CIT: variants seen among roughly 807,000 people sequenced by gnomAD.
CIT encodes citron Rho-interacting kinase.
Under a neutral mutation model 272.7 loss-of-function variants are expected in CIT, and 79 were observed. That is an observed-to-expected ratio of 0.29 (90% CI 0.24 to 0.35). CIT has a LOEUF of 0.35. CIT is among the 10% of genes least tolerant of loss of function. CIT has a pLI of 1.00. For missense variants in CIT, 1,909 were observed against 2,618.3 expected, an observed-to-expected ratio of 0.73 and a Z score of 5.91; for synonymous variants, 948 against 995.6, an observed-to-expected ratio of 0.95 and a Z score of 0.90.
chr12:119,840,870 G>A (rs1312860759), intron 5 of CIT, among the ~76,000 whole-genome samples: 1 of 152,170 alleles, frequency 6.6e-6, no homozygotes, highest in Non-Finnish European at 1.5e-5. Flanking sequence ...AGTAAACAAT[G>A]AAGTTGTGTT....
At chr12:119,834,249 A>C (rs1222658703) in intron 5 of CIT, 21 bp from the exon 6 acceptor site, 1 of 1,568,718 alleles carries the variant, frequency 6.4e-7, no homozygotes, top group South Asian at 1.2e-5. Context: ...TGCCAAAGTT[A>C]TTAATTCTTC....
In CIT at chr12:119,864,116, T is replaced by G. The variant is rs116630823; in HGVS notation, c.238+4944A>C. Reference sequence around the variant, plus strand: ...TATTTAACATTGTATTGTGTATTGTTTGCAATAAGAAAAAAAAAAAACTTT... The same window carrying G: ...TATTTAACATTGTATTGTGTATTGTGTGCAATAAGAAAAAAAAAAAACTTT... On this transcript the variant is annotated intron_variant, in intron 3 of 47. Transcript: ENST00000392521. 9.8e-3 allele frequency among the ~76,000 whole-genome samples: 1,484 copies of G among 152,198 alleles called. 21 individuals carry two copies. The highest frequency in any genetic ancestry group is 0.033 in the African/African-American group (1,391 of 41,528).
intron 3 of CIT, among the ~76,000 whole-genome samples, chr12:119,866,787 C>G (rs924421551): frequency 2.0e-5 from 3 of 152,022 alleles, no homozygotes; most frequent in Non-Finnish European, 2.9e-5. Flanking sequence ...CTGCTGCACT[C>G]CAGCCAGAGT....
chr12:119,730,359 G>A (rs994678628), intron 27 of CIT, 136 bp downstream of exon 27: 9 of 1,056,950 alleles, frequency 8.5e-6, no homozygotes, highest in Non-Finnish European at 1.2e-5. Flanking sequence ...CAAAACCATG[G>A]GACATTTTTG....
At position 119,842,589 on chromosome 12, in the gene CIT, T is replaced by C. The variant is rs183771558; in HGVS notation, c.516+7585A>G. Among the ~76,000 whole-genome samples, 323 of 152,144 alleles carry C rather than the reference T, an allele frequency of 2.1e-3. 2 individuals carry two copies. The highest frequency in any genetic ancestry group is 7.3e-3 in the African/African-American group (305 of 41,530). On this transcript the variant is annotated intron_variant, in intron 5 of 47. Transcript: ENST00000392521. Reference sequence around the variant, plus strand: ...AGAATACAGGACTAGCTTTGTTATATAGAACCAGACATTATGACAGAGTTT... The same window carrying C: ...AGAATACAGGACTAGCTTTGTTATACAGAACCAGACATTATGACAGAGTTT...
In CIT at chr12:119,784,878, A is replaced by G; in HGVS notation, c.1401+82T>C. Reference sequence around the variant, plus strand: ...ACGGATCAGGCGGCTCAGAGCCAGCAGCGGCCCCGGGCGGATCCCTTGGCA... The same window carrying G: ...ACGGATCAGGCGGCTCAGAGCCAGCGGCGGCCCCGGGCGGATCCCTTGGCA... On this transcript the variant is annotated intron_variant, in intron 11 of 47. Transcript: ENST00000392521. This position sits in a 1 kb window ranked among gnomAD's most constrained non-coding sequence, Gnocchi z 4.7. The G allele has an allele frequency of 6.5e-7, 1 of 1,543,466 alleles. No individual in the cohort carries two copies.
At chr12:119,701,398 A>G (rs1347089691) in intron 43 of CIT, among the ~76,000 whole-genome samples, 2 of 152,180 alleles carry the variant, frequency 1.3e-5, no homozygotes, top group Non-Finnish European at 2.9e-5. Flanking sequence ...TGGATGAGGA[A>G]AAAACTGCCT....
intron 16 of CIT, among the ~76,000 whole-genome samples, chr12:119,774,760 T>A (rs1022423779): frequency 1.4e-5 from 2 of 147,744 alleles, no homozygotes; most frequent in Admixed American, 1.3e-4. Context: ...TTCACTTGAG[T>A]CCAGGTGTTT....
chr12:119,834,406 T>A (rs1593903031), intron 5 of CIT, among the ~76,000 whole-genome samples, 178 bp from the exon 6 acceptor site: 1 of 152,306 alleles, frequency 6.6e-6, no homozygotes, highest in East Asian at 1.9e-4. Flanking sequence ...GGAAATTACA[T>A]CTGTTACCCA....
Position 119,832,868 on chromosome 12 carries a change from T to A in CIT, c.660-4A>T. ...AATGTTCTCAGGCTTGATGTCTCTGTAAGAAAATCAGGACCATGAATTGCC... is the reference window on the plus strand; with the variant it reads ...AATGTTCTCAGGCTTGATGTCTCTGAAAGAAAATCAGGACCATGAATTGCC... On this transcript the variant is annotated splice_polypyrimidine_tract_variant and splice_region_variant and intron_variant, in intron 6 of 47. Transcript: ENST00000392521. The A allele has an allele frequency of 6.2e-7, 1 of 1,611,164 alleles. No homozygotes were observed. Among genetic ancestry groups the A allele is most frequent in the Non-Finnish European group, 8.5e-7 (1 of 1,177,328 alleles).
chr12:119,803,533 G>C, intron 9 of CIT, 144 bp from the exon 10 acceptor site: 1 of 542,044 alleles, frequency 1.8e-6, no homozygotes, highest in Non-Finnish European at 3.2e-6. Context: ...CGCAACCTCG[G>C]CTCCTACAGC....
chr12:119,699,282 G>A (rs555731411), intron 44 of CIT, among the ~76,000 whole-genome samples: 1 of 151,396 alleles, frequency 6.6e-6, no homozygotes, highest in African/African-American at 2.4e-5. Flanking sequence ...AAAAAGACTG[G>A]GTTCTATTTT....
rs149977567 is a variant in CIT at position 119,715,586 on chromosome 12, G to C, written c.4169-1252C>G. On this transcript the variant is annotated intron_variant, in intron 32 of 47. Coordinates refer to ENST00000392521, the MANE Select transcript of CIT (RefSeq NM_001206999.2). Reference sequence around the variant, plus strand: ...TATGGAGTATTTTTTGGGTGGGGGGGTGTCAAAATTGTTCAAAAATTAGAA... The same window carrying C: ...TATGGAGTATTTTTTGGGTGGGGGGCTGTCAAAATTGTTCAAAAATTAGAA... 9.9e-4 allele frequency among the ~76,000 whole-genome samples: 149 copies of C among 151,160 alleles called. 1 individual carries two copies. Among genetic ancestry groups the C allele is most frequent in the African/African-American group, 3.3e-3 (135 of 41,158 alleles).
At chr12:119,870,327 G>T (rs1370463590) in intron 2 of CIT, among the ~76,000 whole-genome samples, 2 of 151,992 alleles carry the variant, frequency 1.3e-5, no homozygotes, top group Non-Finnish European at 2.9e-5. Context: ...AAGACGGGTG[G>T]ATCACTTGAG....
At chr12:119,761,457 G>A (rs1215140706) in intron 19 of CIT, among the ~76,000 whole-genome samples, 1 of 152,132 alleles carries the variant, frequency 6.6e-6, no homozygotes, top group Non-Finnish European at 1.5e-5. Flanking sequence ...TTCTTCGCCA[G>A]TGCACCCGTA....
At chr12:119,698,608 T>TA (rs1447057497) in intron 44 of CIT, among the ~76,000 whole-genome samples, 1 of 143,624 alleles carries the variant, frequency 7.0e-6, no homozygotes, top group African/African-American at 2.6e-5. Flanking sequence ...AAAAAAAAAA[T>TA]TATAATACAT....
At chr12:119,841,199 G>A (rs1969386387) in intron 5 of CIT, among the ~76,000 whole-genome samples, 2 of 149,958 alleles carry the variant, frequency 1.3e-5, no homozygotes, top group Non-Finnish European at 3.0e-5. Flanking sequence ...TTTTGAGATG[G>A]AGTCTTGCTC....
At chr12:119,753,799 A>G (rs1429438599) in intron 22 of CIT, among the ~76,000 whole-genome samples, 1 of 152,168 alleles carries the variant, frequency 6.6e-6, no homozygotes, top group African/African-American at 2.4e-5. Flanking sequence ...GAATTACACA[A>G]ATAGACCATT....
chr12:119,784,663 G>A lies in CIT; in HGVS notation c.1401+297C>T. The stretch of plus-strand genomic sequence containing the variant: ...CAGATGGGATGTATCTCAGCCACAG[G>A]TGAGGACCCAGGCCACCTGCCGGAA... On this transcript the variant is annotated intron_variant, in intron 11 of 47. Transcript: ENST00000392521. This position sits in a 1 kb window ranked among gnomAD's most constrained non-coding sequence, Gnocchi z 4.7. The A allele has an allele frequency of 2.3e-6, 3 of 1,279,392 alleles. No individual in the cohort carries two copies. The highest frequency in any genetic ancestry group is 3.0e-6 in the Non-Finnish European group (3 of 1,009,214). 79.3% of individuals were successfully genotyped at this position (1,279,392 alleles called of 1,614,324 possible).
Sources: gnomAD v4.1 joint callset for allele counts (sites outside exome capture counted in the v4.1 genomes callset) on GRCh38, gnomAD v4.1.1 for gene constraint, Gnocchi (gnomAD v3.1) non-coding constraint, MANE v1.5 for transcripts, NCBI Gene and HGNC (gene_info 2026-07-23, HGNC 2026-07-21) for gene names.